The following ZNF532 variants were observed in gnomAD, a reference collection of about 807,000 sequenced individuals.
ZNF532 encodes zinc finger protein 532.
Under a neutral mutation model 89.3 loss-of-function variants are expected in ZNF532, and 22 were observed. That is an observed-to-expected ratio of 0.25 (90% CI 0.18 to 0.35). The LOEUF is 0.35. ZNF532 is among the 10% of genes least tolerant of loss of function. ZNF532 has a pLI of 1.00. For missense variants in ZNF532, 1,132 were observed against 1,643.4 expected (o/e 0.69, Z 5.38); for synonymous variants, 606 against 649.6 (o/e 0.93, Z 1.02).
At chr18:58,886,311 T>G (rs1365071371) in intron 2 of ZNF532, among the ~76,000 whole-genome samples, 1 of 152,204 alleles carries the variant, frequency 6.6e-6, no homozygotes, top group African/African-American at 2.4e-5. Context: ...TCTAGGAATT[T>G]TACGTGTCTA....
Position 58,926,825 on chromosome 18 carries a change from TAGATTATACTGATTTTTC to T in ZNF532, c.2346+6197_2346+6214del, listed in dbSNP as rs1344648337. ...ATTGGTTTCAGGGCTTTTTTTTGGA[TAGATTATACTGATTTTTC>T]AGATATCAAAATAGCCTTGCATTTC... On this transcript the variant is annotated intron_variant, in intron 3 of 9. Transcript: ENST00000591808. 3.9e-5 allele frequency among the ~76,000 whole-genome samples: 6 copies of T among 152,308 alleles called. No individual in the cohort carries two copies. The South Asian group carries it at 8.3e-4, about 21-fold the overall frequency.
intron 6 of ZNF532, among the ~76,000 whole-genome samples, chr18:58,949,453 C>T (rs925147752): frequency 4.6e-5 from 7 of 152,274 alleles, no homozygotes; most frequent in African/African-American, 1.4e-4. Flanking sequence ...AATCCCAGCA[C>T]TTTGGGAGGC....
In ZNF532 at chr18:58,918,905, A is replaced by C. The variant is rs1279944607; in HGVS notation, c.618A>C (p.Glu206Asp). 1 of 1,614,004 alleles carries C rather than the reference A, an allele frequency of 6.2e-7. No individual in the cohort carries two copies. Among genetic ancestry groups the C allele is most frequent in the African/African-American group, 1.3e-5 (1 of 74,948 alleles). Residue 206 changes from glutamate to aspartate, a missense_variant, in exon 3 of 10, where the codon GAA (glutamate) becomes GAC (aspartate). Glu to Asp is a conservative substitution (Grantham distance 45). Transcript: ENST00000591808. ...EKNKAVKRET[E>D]ASSINLSVYE... is the part of the protein sequence containing the mutation. ...ACAAAGCTGTTAAGAGAGAAACAGAAGCCAGTTCTATAAACCTGAGTGTTT... is the reference window on the plus strand; with the variant it reads ...ACAAAGCTGTTAAGAGAGAAACAGACGCCAGTTCTATAAACCTGAGTGTTT...
Position 58,888,745 on chromosome 18 carries a change from A to ATATATATATAAAATATATATATAATT in ZNF532, c.-18+23180_-18+23181insATATATATAATTTATATATATAAAAT, listed in dbSNP as rs1568245595. ...TATATAAATTATATATATATATTTT[A>ATATATATATAAAATATATATATAATT]TATATATATAAAATTAATATATATA... On this transcript the variant is annotated intron_variant, in intron 2 of 9. Transcript: ENST00000591808. Among the ~76,000 whole-genome samples the ATATATATATAAAATATATATATAATT allele has an allele frequency of 4.5e-4, 21 of 47,116 alleles. 2 individuals are homozygous for ATATATATATAAAATATATATATAATT. The highest frequency in any genetic ancestry group is 2.0e-3 in the South Asian group (3 of 1,518). 30.9% of individuals were successfully genotyped at this position (47,116 alleles called of 152,430 possible).
intron 7 of ZNF532, among the ~76,000 whole-genome samples, chr18:58,978,620 A>G (rs570020123): frequency 6.6e-6 from 1 of 152,200 alleles, no homozygotes; most frequent in South Asian, 2.1e-4. Flanking sequence ...CCTCATTTTT[A>G]TTATATATTT....
intron 5 of ZNF532, among the ~76,000 whole-genome samples, chr18:58,942,225 T>C (rs1487451122): frequency 6.6e-6 from 1 of 151,226 alleles, no homozygotes; most frequent in Non-Finnish European, 1.5e-5. Context: ...GGTTTCACCG[T>C]GTTAGCCAGG....
At chr18:58,892,796 A>T (rs1346957043) in intron 2 of ZNF532, among the ~76,000 whole-genome samples, 3 of 152,198 alleles carry the variant, frequency 2.0e-5, no homozygotes, top group Non-Finnish European at 4.4e-5. Flanking sequence ...CAGGAGGGGA[A>T]CATTACTGCA....
At chr18:58,939,080 C>T (rs929369230) in intron 4 of ZNF532, among the ~76,000 whole-genome samples, 1 of 151,732 alleles carries the variant, frequency 6.6e-6, no homozygotes, top group Non-Finnish European at 1.5e-5. Flanking sequence ...AACCCCATCT[C>T]TACTAAAAAT....
intron 3 of ZNF532, among the ~76,000 whole-genome samples, chr18:58,930,498 C>T (rs910805839): frequency 3.3e-5 from 5 of 151,972 alleles, no homozygotes; most frequent in African/African-American, 9.7e-5. Flanking sequence ...CATGGCGGTG[C>T]GTGCCTGCAG....
intron 2 of ZNF532, among the ~76,000 whole-genome samples, chr18:58,914,359 G>C (rs2060460910): frequency 6.6e-6 from 1 of 152,184 alleles, no homozygotes; most frequent in African/African-American, 2.4e-5. Flanking sequence ...GTGAATTATA[G>C]GTCATTTATA....
At chr18:58,966,210 T>A (rs2065902148) in intron 7 of ZNF532, among the ~76,000 whole-genome samples, 1 of 152,174 alleles carries the variant, frequency 6.6e-6, no homozygotes, top group South Asian at 2.1e-4. Flanking sequence ...TTGCTCTTAA[T>A]GCTGGAGAGT....
chr18:58,872,235 C>T (rs57168088), intron 2 of ZNF532, among the ~76,000 whole-genome samples: 2,560 of 152,234 alleles, frequency 0.017, 89 homozygotes, highest in African/African-American at 0.058. Flanking sequence ...GTTATTATTA[C>T]AGCTTTACAT....
chr18:58,939,246 CAAAAAAAAAAAAAAAAA>C (rs71336307), intron 4 of ZNF532, among the ~76,000 whole-genome samples, 182 bp from the exon 5 acceptor site: 1 of 34,504 alleles, frequency 2.9e-5, no homozygotes. Flanking sequence ...GACGTTGTCT[CAAAAAAAAAAAAAAAAA>C]AAAAAAAAAA....
At chr18:58,903,572 G>A (rs1458483826) in intron 2 of ZNF532, among the ~76,000 whole-genome samples, 1 of 152,114 alleles carries the variant, frequency 6.6e-6, no homozygotes, top group Admixed American at 6.5e-5. Context: ...GAATGAGGGC[G>A]CATCTGCAAA....
intron 2 of ZNF532, among the ~76,000 whole-genome samples, chr18:58,870,915 T>G (rs2056925578): frequency 6.6e-6 from 1 of 152,136 alleles, no homozygotes; most frequent in African/African-American, 2.4e-5. Context: ...AGTTCAGTTT[T>G]GGGCTCCAAT....
intron 2 of ZNF532, among the ~76,000 whole-genome samples, chr18:58,900,125 C>T (rs1398683033): frequency 6.6e-6 from 1 of 152,196 alleles, no homozygotes; most frequent in African/African-American, 2.4e-5. Context: ...AGGGATGAGG[C>T]TGTGGAGAGC....
In ZNF532 at chr18:58,936,321, G is replaced by T. The variant is rs115362161; in HGVS notation, c.2528+1707G>T. On this transcript the variant is annotated intron_variant, in intron 4 of 9. Coordinates refer to ENST00000591808, the MANE Select transcript of ZNF532 (RefSeq NM_001375912.1). ...TCACGTTTTGAAACTATTATTAATGGATTATGTGTTTAATAATAGAAAGCA... is the reference window on the plus strand; with the variant it reads ...TCACGTTTTGAAACTATTATTAATGTATTATGTGTTTAATAATAGAAAGCA... Among the ~76,000 whole-genome samples the T allele has an allele frequency of 3.0e-3, 457 of 152,332 alleles. 1 individual carries two copies. Among genetic ancestry groups the T allele is most frequent in the African/African-American group, 0.011 (443 of 41,554 alleles).
intron 5 of ZNF532, among the ~76,000 whole-genome samples, chr18:58,941,573 C>G (rs1008254465): frequency 1.3e-5 from 2 of 150,676 alleles, no homozygotes; most frequent in Non-Finnish European, 2.9e-5. Context: ...GGTGATCCTC[C>G]TGCCTCAGCC....
intron 2 of ZNF532, among the ~76,000 whole-genome samples, chr18:58,876,006 C>T (rs1274336518): frequency 6.7e-6 from 1 of 149,110 alleles, no homozygotes; most frequent in Non-Finnish European, 1.5e-5. Context: ...GATCTCGACT[C>T]ACTGCAAGCT....
Sources: gnomAD v4.1 joint callset for allele counts (sites outside exome capture counted in the v4.1 genomes callset) on GRCh38, gnomAD v4.1.1 for gene constraint, MANE v1.5 for transcripts, NCBI Gene and HGNC (gene_info 2026-07-23, HGNC 2026-07-21) for gene names.